The following BTD variants were observed in gnomAD, a reference collection of about 807,000 sequenced individuals.
The protein encoded by BTD is biotinidase, also known as biocytinase.
In BTD, 13 loss-of-function variants were observed where a neutral mutation model predicts 17.7. The ratio of observed to expected loss-of-function variants is 0.74; its 90% CI spans 0.48 to 1.17. BTD has a LOEUF of 1.17. BTD is among the 50% of genes most tolerant of loss of function. The probability of loss-of-function intolerance (pLI) is 0.00; values close to 1 mark genes in which losing one functional copy is unlikely to be tolerated. For missense variants in BTD, 674 were observed against 650.4 expected, an observed-to-expected ratio of 1.04 and a Z score of -0.39; for synonymous variants, 240 against 245.2, an observed-to-expected ratio of 0.98 and a Z score of 0.20.
intron 3 of BTD, chr3:15,678,100 G>T: frequency 1.8e-6 from 2 of 1,129,246 alleles, no homozygotes; most frequent in Non-Finnish European, 1.2e-6. Flanking sequence ...AAGGTTTTAA[G>T]TCTTAGGAGT....
chr3:15,674,312 G>A (rs987467990), intron 3 of BTD, among the ~76,000 whole-genome samples: 7 of 152,012 alleles, frequency 4.6e-5, no homozygotes, highest in Admixed American at 3.9e-4. Context: ...CTTTAGAGGT[G>A]GAGTCAATAG....
At chr3:15,658,694 C>G (rs902774809), downstream of BTD, among the ~76,000 whole-genome samples, 1 of 152,178 alleles carries the variant, frequency 6.6e-6, no homozygotes, top group Non-Finnish European at 1.5e-5. Flanking sequence ...CTACCTTATC[C>G]CTTTAGTTTT....
chr3:15,676,775 T>G (rs2066983330), intron 3 of BTD: 2 of 430,406 alleles, frequency 4.6e-6, no homozygotes, highest in Non-Finnish European at 8.3e-6. Flanking sequence ...TATAATAAAA[T>G]TTCAGTTCAA....
intron 2 of BTD, among the ~76,000 whole-genome samples, chr3:15,641,223 G>A (rs1430408410): frequency 6.6e-6 from 1 of 152,232 alleles, no homozygotes; most frequent in African/African-American, 2.4e-5. Context: ...CCCGAAGGGA[G>A]CCTCCTAATT....
rs1449161018 is a variant in BTD, at chr3:15,647,129, AG to A, written c.*1643del. ...GCAAGCCTTGGGTTCCCCACGCCCT[AG>A]GAAGTCCCTCTGGAAGGGGAGCAGG... is the stretch of plus-strand genomic sequence containing the variant. On this transcript the variant is annotated 3_prime_UTR_variant, in exon 4 of 4. Coordinates refer to ENST00000643237, the MANE Select transcript of BTD (RefSeq NM_001370658.1). 3 of 152,220 alleles carry A rather than the reference AG, an allele frequency of 2.0e-5. No individual in the cohort carries two copies. The highest frequency in any genetic ancestry group is 7.2e-5 in the African/African-American group (3 of 41,434). 9.4% of individuals were successfully genotyped at this position (152,220 alleles called of 1,614,324 possible).
At chr3:15,694,899 G>A (rs2069318912) in intron 3 of BTD, 1 of 1,300,490 alleles carries the variant, frequency 7.7e-7, no homozygotes, top group Non-Finnish European at 1.1e-6. Flanking sequence ...ATCCACCTTA[G>A]AGTATTATTT....
intron 3 of BTD, among the ~76,000 whole-genome samples, chr3:15,682,773 A>G (rs2067675866): frequency 6.6e-6 from 1 of 152,210 alleles, no homozygotes; most frequent in Non-Finnish European, 1.5e-5. Context: ...TCAGAATGCC[A>G]AATTATAAAA....
chr3:15,673,786 G>GTT (rs2066623642), intron 3 of BTD, among the ~76,000 whole-genome samples: 1 of 152,188 alleles, frequency 6.6e-6, no homozygotes, highest in Non-Finnish European at 1.5e-5. Context: ...GTATAACCCT[G>GTT]CTATGGAGGG....
intron 3 of BTD, among the ~76,000 whole-genome samples, chr3:15,661,363 T>C (rs1206820517): frequency 1.3e-5 from 2 of 151,940 alleles, no homozygotes; most frequent in Non-Finnish European, 2.9e-5. Context: ...ATTTCCACCA[T>C]TCTAATTGGT....
At chr3:15,639,962 G>A (rs1009052569) in intron 2 of BTD, among the ~76,000 whole-genome samples, 4 of 152,152 alleles carry the variant, frequency 2.6e-5, no homozygotes, top group African/African-American at 9.7e-5. Flanking sequence ...AATTTAGCCA[G>A]GTGTGGTGGC....
intron 3 of BTD, among the ~76,000 whole-genome samples, chr3:15,688,666 A>T (rs183848013): frequency 6.6e-6 from 1 of 152,238 alleles, no homozygotes; most frequent in Non-Finnish European, 1.5e-5. Flanking sequence ...ACTAGAAAAA[A>T]AATCCAAGAC....
chr3:15,614,590 ATCTTTT>A (rs1423080425), intron 1 of BTD, among the ~76,000 whole-genome samples: 15 of 146,680 alleles, frequency 1.0e-4, no homozygotes, highest in African/African-American at 3.8e-4. Context: ...ATTTGACAAT[ATCTTTT>A]TCTTTTTTTT....
rs756829942 is a variant in BTD, at chr3:15,635,544, T to C, written c.105T>C (p.Ala35=). Residue 35 remains alanine (A), a synonymous_variant, in exon 2 of 4, where the codon GCT becomes GCC. Transcript: ENST00000643237. This position sits in a 1 kb window ranked among gnomAD's most constrained non-coding sequence, Gnocchi z 4.1. ...AGAGCGTGGCTGACCATCACGAGGC[T>C]GAATATTATGTGGCTGCCGTGTATG... ...GEESVADHHE[A]EYYVAAVYEH... is the part of the protein sequence containing the mutation. The C allele has an allele frequency of 3.1e-6, 5 of 1,614,144 alleles. No homozygotes were observed. Among genetic ancestry groups the C allele is most frequent in the Non-Finnish European group, 4.2e-6 (5 of 1,180,030 alleles).
rs545958047 is a variant in BTD, at chr3:15,676,954, T to G, written c.400-33106T>G. The G allele has an allele frequency of 2.8e-5, 45 of 1,593,784 alleles. 1 individual carries two copies. In the South Asian group the frequency reaches 4.6e-4, roughly 16 times the overall value. On this transcript the variant is annotated intron_variant, in intron 3 of 3. Transcript: ENST00000672141. ...TAATTATAGGTCACAAAGTTTATAC[T>G]AGATACTGACAGTACTCACGTTTGC...
intron 3 of BTD, among the ~76,000 whole-genome samples, chr3:15,696,472 A>C (rs923153378): frequency 1.3e-5 from 2 of 152,160 alleles, no homozygotes; most frequent in African/African-American, 4.8e-5. Flanking sequence ...TGGATACCTC[A>C]AAAGTCTGTC....
chr3:15,719,742 T>C (rs879863007), intron 4 of BTD, among the ~76,000 whole-genome samples: 13 of 151,968 alleles, frequency 8.6e-5, no homozygotes, highest in Non-Finnish European at 1.6e-4. Context: ...TTGGTAGAGA[T>C]AGAGGTCTTG....
chr3:15,674,883 A>G (rs1347677300), intron 3 of BTD, among the ~76,000 whole-genome samples: 1 of 152,204 alleles, frequency 6.6e-6, no homozygotes, highest in African/African-American at 2.4e-5. Context: ...AGTAGTTAAC[A>G]CAGTAGAAGT....
chr3:15,710,036 G>GTTTTTTTTTTTTTTTTTTTTTT (rs34686530), intron 3 of BTD, among the ~76,000 whole-genome samples: 1 of 146,336 alleles, frequency 6.8e-6, no homozygotes, highest in Non-Finnish European at 1.5e-5. Flanking sequence ...TTGCTTATAG[G>GTTTTTTTTTTTTTTTTTTTTTT]TTTTTTTTTT....
chr3:15,689,756 C>A, intron 3 of BTD: 1 of 303,696 alleles, frequency 3.3e-6, no homozygotes, highest in Non-Finnish European at 6.0e-6. Context: ...ATTTTTTGTG[C>A]TTGGTTTACT....
Sources: gnomAD v4.1 joint callset for allele counts (sites outside exome capture counted in the v4.1 genomes callset) on GRCh38, gnomAD v4.1.1 for gene constraint, Gnocchi (gnomAD v3.1) non-coding constraint, MANE v1.5 for transcripts, NCBI Gene and HGNC (gene_info 2026-07-23, HGNC 2026-07-21) for gene names.